The following PARD3B variants were observed in gnomAD, a reference collection of about 807,000 sequenced individuals.
PARD3B encodes par-3 family cell polarity regulator beta.
PARD3B carries 103 observed loss-of-function variants against 130.2 expected under a neutral mutation model. The observed-to-expected ratio is 0.79, with a 90% CI of 0.67 to 0.93. The LOEUF is 0.93. Among genes scored for constraint, PARD3B ranks in the 40% least tolerant of loss-of-function variants. The pLI is 0.00. For synonymous variants in PARD3B, 583 were observed against 553.2 expected, an observed-to-expected ratio of 1.05 and a Z score of -0.76; for missense variants, 1,609 against 1,499.2, an observed-to-expected ratio of 1.07 and a Z score of -1.21.
intron 4 of PARD3B, among the ~76,000 whole-genome samples, chr2:205,101,173 G>A (rs2125564801): frequency 6.6e-6 from 1 of 152,134 alleles, no homozygotes; most frequent in South Asian, 2.1e-4. Context: ...CTCCAAAGAA[G>A]ATACACAAAG....
At chr2:204,632,178 C>G (rs1319681110) in intron 1 of PARD3B, among the ~76,000 whole-genome samples, 1 of 152,092 alleles carries the variant, frequency 6.6e-6, no homozygotes, top group Non-Finnish European at 1.5e-5. Flanking sequence ...TGGCACCTCC[C>G]TGTTCACTCT....
chr2:204,736,313 C>CT (rs942870747), intron 2 of PARD3B, among the ~76,000 whole-genome samples: 5 of 151,734 alleles, frequency 3.3e-5, no homozygotes, highest in South Asian at 2.1e-4. Context: ...GGGTACAGTG[C>CT]TTTTTTTTGT....
In PARD3B at chr2:204,606,675, T is replaced by G. The variant is rs544695415; in HGVS notation, c.120+60556T>G. Among the ~76,000 whole-genome samples, 2 of 152,268 alleles carry G rather than the reference T, an allele frequency of 1.3e-5. No individual in the cohort carries two copies. The highest frequency in any genetic ancestry group is 2.9e-5 in the Non-Finnish European group (2 of 68,034). On this transcript the variant is annotated intron_variant, in intron 1 of 22. Transcript: ENST00000406610. The surrounding 1 kb of genome is among the most constrained non-coding windows in gnomAD (Gnocchi z 4.0). ...CCAGTGGCTACCACAGATGACGCAC[T>G]GGTCTCATTACCTATTCCGGTAAGA...
intron 2 of PARD3B, among the ~76,000 whole-genome samples, chr2:204,773,372 A>G (rs2041471894): frequency 6.6e-6 from 1 of 151,724 alleles, no homozygotes; most frequent in South Asian, 2.1e-4. Context: ...TGCAATATAT[A>G]TTTGCAAATA....
chr2:204,921,882 G>T (rs183053370), intron 2 of PARD3B, among the ~76,000 whole-genome samples: 20 of 152,266 alleles, frequency 1.3e-4, no homozygotes, highest in African/African-American at 4.6e-4. Context: ...TACAAAAGGT[G>T]TGACAGATGC....
intron 2 of PARD3B, among the ~76,000 whole-genome samples, chr2:204,846,202 A>G (rs186980086): frequency 2.6e-5 from 4 of 152,128 alleles, no homozygotes; most frequent in African/African-American, 9.7e-5. Flanking sequence ...CTTTCTTAAG[A>G]TTGGTAAAAT....
At chr2:205,374,533 C>A (rs1461848753) in intron 18 of PARD3B, among the ~76,000 whole-genome samples, 2 of 152,114 alleles carry the variant, frequency 1.3e-5, no homozygotes, top group African/African-American at 2.4e-5. Context: ...GCGTCCGGCC[C>A]AACCACTTTA....
intron 2 of PARD3B, among the ~76,000 whole-genome samples, chr2:204,738,920 T>A (rs1057200236): frequency 6.6e-6 from 1 of 152,194 alleles, no homozygotes; most frequent in Non-Finnish European, 1.5e-5. Context: ...CTGTATCATA[T>A]AACATAAAAT....
At chr2:204,596,336 A>G (rs891077715) in intron 1 of PARD3B, among the ~76,000 whole-genome samples, 46 of 151,804 alleles carry the variant, frequency 3.0e-4, no homozygotes, top group Non-Finnish European at 2.6e-4. Flanking sequence ...TTTCTTTCAT[A>G]TTTTTTTCCT....
intron 18 of PARD3B, among the ~76,000 whole-genome samples, chr2:205,322,105 G>GA (rs2042772146): frequency 6.6e-6 from 1 of 152,202 alleles, no homozygotes; most frequent in Admixed American, 6.5e-5. Flanking sequence ...GAAGGCTGGA[G>GA]AAGCCATACC....
chr2:205,398,021 G>A (rs574052958), intron 18 of PARD3B, among the ~76,000 whole-genome samples: 13 of 152,246 alleles, frequency 8.5e-5, no homozygotes, highest in East Asian at 7.7e-4. Context: ...TGTTCTGGCC[G>A]AGCACAGTGG....
At chr2:205,337,204 G>A (rs553658924) in intron 18 of PARD3B, among the ~76,000 whole-genome samples, 1 of 152,254 alleles carries the variant, frequency 6.6e-6, no homozygotes, top group African/African-American at 2.4e-5. Context: ...ACACAGTTTG[G>A]TGAAGACATG....
chr2:205,228,068 G>A (rs2038653064), intron 15 of PARD3B, among the ~76,000 whole-genome samples: 1 of 152,088 alleles, frequency 6.6e-6, no homozygotes, highest in African/African-American at 2.4e-5. Flanking sequence ...GTCTTAAAAA[G>A]TTGTTGTAGT....
At chr2:205,375,356 A>G (rs1216682290) in intron 18 of PARD3B, among the ~76,000 whole-genome samples, 1 of 152,232 alleles carries the variant, frequency 6.6e-6, no homozygotes, top group East Asian at 1.9e-4. Context: ...TCATTCCTTA[A>G]GAGAATAATA....
At position 205,550,401 on chromosome 2, in the gene PARD3B, G is replaced by A. The variant is rs562222066; in HGVS notation, c.3181-2923G>A. On this transcript the variant is annotated intron_variant, in intron 21 of 22. Transcript: ENST00000406610. This position sits in a 1 kb window ranked among gnomAD's most constrained non-coding sequence, Gnocchi z 4.5. ...CTTCATTGCTTTGAATACAGTGAAT[G>A]ACTGCATTAATGATGTTGCAGTATC... is the stretch of plus-strand genomic sequence containing the variant. Among the ~76,000 whole-genome samples the A allele has an allele frequency of 6.6e-6, 1 of 152,164 alleles. No homozygotes were observed. The highest frequency in any genetic ancestry group is 1.5e-5 in the Non-Finnish European group (1 of 68,034).
intron 20 of PARD3B, among the ~76,000 whole-genome samples, chr2:205,444,064 C>A (rs963647946): frequency 1.2e-4 from 18 of 152,176 alleles, no homozygotes; most frequent in African/African-American, 3.9e-4. Context: ...CTCACTGCAA[C>A]CTCTGCCTTC....
At chr2:205,066,406 A>T (rs1700379753) in intron 4 of PARD3B, among the ~76,000 whole-genome samples, 2 of 152,216 alleles carry the variant, frequency 1.3e-5, no homozygotes, top group Non-Finnish European at 2.9e-5. Context: ...GGAGGAACCA[A>T]TGAAGCAGAA....
At chr2:204,668,525 A>C (rs1347342060) in intron 1 of PARD3B, among the ~76,000 whole-genome samples, 1 of 152,164 alleles carries the variant, frequency 6.6e-6, no homozygotes, top group African/African-American at 2.4e-5. Flanking sequence ...ATTAACACTA[A>C]AAGTTTCCGA....
intron 1 of PARD3B, among the ~76,000 whole-genome samples, chr2:204,581,284 A>C (rs1178034768): frequency 1.3e-5 from 2 of 152,162 alleles, no homozygotes; most frequent in African/African-American, 4.8e-5. Flanking sequence ...ATTCTCCTAA[A>C]AGGGGTTTTA....
Sources: allele counts gnomAD v4.1 joint callset (sites outside exome capture counted in the v4.1 genomes callset), GRCh38; gene constraint gnomAD v4.1.1; non-coding constraint Gnocchi (gnomAD v3.1); transcripts MANE v1.5; gene names NCBI Gene and HGNC (gene_info 2026-07-23, HGNC 2026-07-21).